RASGRF2: variants seen among roughly 807,000 people sequenced by gnomAD.
The protein encoded by RASGRF2 is ras-specific guanine nucleotide-releasing factor 2.
Under a neutral mutation model 151.0 loss-of-function variants are expected in RASGRF2, and 76 were observed. That is an observed-to-expected ratio of 0.50 (90% CI 0.42 to 0.61). The LOEUF is 0.61. Among genes scored for constraint, RASGRF2 ranks in the 20% least tolerant of loss-of-function variants. RASGRF2 has a pLI of 0.00. For missense variants in RASGRF2, 1,148 were observed against 1,564.6 expected (o/e 0.73, Z 4.49); for synonymous variants, 504 against 566.5 (o/e 0.89, Z 1.57).
intron 18 of RASGRF2, among the ~76,000 whole-genome samples, chr5:81,186,901 CTATT>C (rs1283925538): frequency 6.6e-4 from 101 of 152,318 alleles, no homozygotes; most frequent in Admixed American, 5.5e-3. Flanking sequence ...TCTGAGCAAA[CTATT>C]TAGCTCCTCC....
chr5:80,970,146 A>T (rs1307705005), intron 1 of RASGRF2, among the ~76,000 whole-genome samples: 3 of 152,204 alleles, frequency 2.0e-5, no homozygotes, highest in African/African-American at 7.2e-5. Context: ...AACAGTGAGA[A>T]TGTCATCCAT....
At chr5:81,066,511 C>T (rs1033186633) in intron 2 of RASGRF2, among the ~76,000 whole-genome samples, 1 of 152,154 alleles carries the variant, frequency 6.6e-6, no homozygotes, top group Non-Finnish European at 1.5e-5. Flanking sequence ...TGAACCCCAG[C>T]CTAAAATTGT....
chr5:81,031,684 A>G (rs912890385), intron 1 of RASGRF2, among the ~76,000 whole-genome samples: 1 of 152,260 alleles, frequency 6.6e-6, no homozygotes, highest in Admixed American at 6.5e-5. Flanking sequence ...CTAAATGCCC[A>G]CAAGAGAAAG....
chr5:81,116,482 T>C (rs1458670144), intron 15 of RASGRF2, among the ~76,000 whole-genome samples: 1 of 152,216 alleles, frequency 6.6e-6, no homozygotes, highest in Non-Finnish European at 1.5e-5. Context: ...GAGCAGACCT[T>C]GTTAGTAGTC....
intron 1 of RASGRF2, chr5:80,997,408 GA>G (rs909102062): frequency 2.0e-5 from 3 of 152,196 alleles, no homozygotes; most frequent in African/African-American, 7.2e-5. Context: ...TACAGAAACA[GA>G]CCCCTCTTAC....
rs140716593 is a variant in RASGRF2 at position 81,068,429 on chromosome 5, T to C, written c.543+250T>C. 3.2e-3 allele frequency among the ~76,000 whole-genome samples: 480 copies of C among 151,712 alleles called. 5 individuals carry two copies. Among genetic ancestry groups the C allele is most frequent in the South Asian group, 0.023 (111 of 4,800 alleles). ...TTTGGTGGGGGGTGGTTATTTGTTC[T>C]CCTGATACCCTTCATTAGCTCAGAA... On this transcript the variant is annotated intron_variant, in intron 3 of 26. Coordinates refer to ENST00000265080, the MANE Select transcript of RASGRF2 (RefSeq NM_006909.3).
At chr5:81,203,824 G>A (rs1248401496) in intron 19 of RASGRF2, among the ~76,000 whole-genome samples, 2 of 152,220 alleles carry the variant, frequency 1.3e-5, no homozygotes, top group Non-Finnish European at 2.9e-5. Context: ...ATTAGCACTC[G>A]TAGTAAAGTG....
Position 81,207,230 on chromosome 5 carries a change from C to G in RASGRF2, c.2968-16C>G. On this transcript the variant is annotated splice_polypyrimidine_tract_variant and intron_variant, in intron 20 of 26. Coordinates refer to ENST00000265080, the MANE Select transcript of RASGRF2 (RefSeq NM_006909.3). ...CCTCTCCTGGGTGTTTCATTTCCCT[C>G]CCTCATCTCTTGCAGACTGACTGCA... is the stretch of plus-strand genomic sequence containing the variant. 1 of 1,612,470 alleles carries G rather than the reference C, an allele frequency of 6.2e-7. No homozygotes were observed.
intron 1 of RASGRF2, among the ~76,000 whole-genome samples, chr5:81,007,924 C>A (rs1480370183): frequency 6.6e-6 from 1 of 152,080 alleles, no homozygotes; most frequent in African/African-American, 2.4e-5. Flanking sequence ...GCATCCTCAT[C>A]CCTTGGCCAT....
intron 12 of RASGRF2, among the ~76,000 whole-genome samples, chr5:81,103,407 C>T (rs1752757567): frequency 6.6e-6 from 1 of 151,788 alleles, no homozygotes; most frequent in African/African-American, 2.4e-5. Context: ...ACCTCAAATA[C>T]AGCAAAGAGG....
At chr5:81,202,118 G>A (rs1412722430) in intron 19 of RASGRF2, among the ~76,000 whole-genome samples, 4 of 152,082 alleles carry the variant, frequency 2.6e-5, no homozygotes, top group Non-Finnish European at 4.4e-5. Context: ...TGAACTGGTG[G>A]GTGGATTTTT....
At chr5:81,159,830 C>A (rs902277268) in intron 17 of RASGRF2, among the ~76,000 whole-genome samples, 1 of 152,142 alleles carries the variant, frequency 6.6e-6, no homozygotes, top group Non-Finnish European at 1.5e-5. Context: ...CAGTGAAAGA[C>A]CTGTTTTATT....
intron 18 of RASGRF2, among the ~76,000 whole-genome samples, chr5:81,185,405 C>A (rs1415272314): frequency 1.3e-5 from 2 of 152,210 alleles, no homozygotes; most frequent in Non-Finnish European, 2.9e-5. Flanking sequence ...GATGGCCCTG[C>A]ATCCTGCCCA....
intron 14 of RASGRF2, among the ~76,000 whole-genome samples, chr5:81,113,230 T>C (rs771746837): frequency 4.7e-4 from 71 of 152,098 alleles, no homozygotes; most frequent in Non-Finnish European, 7.2e-4. Flanking sequence ...TCTTGTTAAA[T>C]TGCTGGCTCT....
At chr5:81,090,167 G>T (rs547876305) in intron 9 of RASGRF2, among the ~76,000 whole-genome samples, 1 of 152,270 alleles carries the variant, frequency 6.6e-6, no homozygotes, top group Non-Finnish European at 1.5e-5. Context: ...TTAACTTTGG[G>T]TCTAGAGACA....
At position 81,068,095 on chromosome 5, in the gene RASGRF2, C is replaced by T. The variant is rs746566436; in HGVS notation, c.459C>T (p.Ile153=). 8 of 1,613,516 alleles carry T rather than the reference C, an allele frequency of 5.0e-6. No individual in the cohort carries two copies. The highest frequency in any genetic ancestry group is 4.5e-5 in the East Asian group (2 of 44,870). ...AGAAGTACATTCATCTAGTTCAGAT[C>T]GTAGAGACAGAAAAAATTGCAGCTA... ...LMQKYIHLVQ[I]VETEKIAANQ... Residue 153 remains isoleucine (I), a synonymous_variant, in exon 3 of 27, where the codon ATC becomes ATT. Coordinates refer to ENST00000265080, the MANE Select transcript of RASGRF2 (RefSeq NM_006909.3).
At position 81,073,249 on chromosome 5, in the gene RASGRF2, C is replaced by T. The variant is rs148468332; in HGVS notation, c.684C>T (p.Ile228=). ...GWLCRRKWKT[I]VQDYICSPHA... ...TGTGCAGAAGGAAATGGAAGACCATCGTGCAGGATTACATTTGTTCTCCTC... is the reference window on the plus strand; with the variant it reads ...TGTGCAGAAGGAAATGGAAGACCATTGTGCAGGATTACATTTGTTCTCCTC... Residue 228 remains isoleucine, a synonymous_variant, in exon 5 of 27, where the codon ATC becomes ATT. Transcript: ENST00000265080. The T allele has an allele frequency of 1.2e-6, 2 of 1,613,956 alleles. No individual in the cohort carries two copies. Among genetic ancestry groups the T allele is most frequent in the Admixed American group, 1.7e-5 (1 of 60,022 alleles).
In RASGRF2 at chr5:81,190,193, G is replaced by A. The variant is rs190558524; in HGVS notation, c.2793+9912G>A. Among the ~76,000 whole-genome samples the A allele has an allele frequency of 1.8e-3, 269 of 152,260 alleles. 1 individual carries two copies. The highest frequency in any genetic ancestry group is 0.014 in the South Asian group (68 of 4,818). ...GCCCAAATGAAATAGAGAATGCTCC[G>A]TTTAATTTAAATAGGCCAGCAACTT... On this transcript the variant is annotated intron_variant, in intron 18 of 26. Transcript: ENST00000265080.
chr5:81,091,687 A>G (rs1752393026), intron 9 of RASGRF2, among the ~76,000 whole-genome samples: 1 of 152,116 alleles, frequency 6.6e-6, no homozygotes, highest in South Asian at 2.1e-4. Flanking sequence ...TATATATATT[A>G]TTTATATGGA....
Sources: allele counts gnomAD v4.1 joint callset (sites outside exome capture counted in the v4.1 genomes callset), GRCh38; gene constraint gnomAD v4.1.1; transcripts MANE v1.5; gene names NCBI Gene and HGNC (gene_info 2026-07-23, HGNC 2026-07-21).